The following LNX1 variants were observed in gnomAD, a reference collection of about 807,000 sequenced individuals.
LNX1 encodes E3 ubiquitin-protein ligase LNX.
Under a neutral mutation model 68.4 loss-of-function variants are expected in LNX1, and 54 were observed. The observed-to-expected ratio is 0.79, with a 90% confidence interval of 0.63 to 0.99. The LOEUF (loss-of-function observed/expected upper bound fraction) is 0.99. LNX1 is among the 50% of genes least tolerant of loss of function. The pLI is 0.00. For missense variants in LNX1, 906 were observed against 926.4 expected (o/e 0.98, Z 0.29); for synonymous variants, 336 against 350.0 (o/e 0.96, Z 0.45).
At chr4:53,541,083 G>A (rs1402079080) in intron 2 of LNX1, among the ~76,000 whole-genome samples, 2 of 149,730 alleles carry the variant, frequency 1.3e-5, no homozygotes, top group African/African-American at 4.9e-5. Flanking sequence ...CTTGCAGTGA[G>A]CCGAGACCAC....
chr4:53,627,487 G>A (rs1489272830), intron 1 of LNX1, among the ~76,000 whole-genome samples: 2 of 152,172 alleles, frequency 1.3e-5, no homozygotes, highest in East Asian at 3.9e-4. Context: ...TACTAATGGT[G>A]AGCTCTTATG....
intron 2 of LNX1, among the ~76,000 whole-genome samples, chr4:53,556,968 T>C (rs1729955363): frequency 6.6e-6 from 1 of 152,236 alleles, no homozygotes; most frequent in South Asian, 2.1e-4. Context: ...TTGCTATTTT[T>C]CCCGTCTGGT....
chr4:53,508,788 G>A (rs559088453), intron 2 of LNX1, among the ~76,000 whole-genome samples: 1 of 152,270 alleles, frequency 6.6e-6, no homozygotes, highest in African/African-American at 2.4e-5. Context: ...TCTTTCTCTG[G>A]GCTGGTCTGG....
chr4:53,632,827 G>A (rs1734327388), intron 1 of LNX1, among the ~76,000 whole-genome samples: 1 of 152,194 alleles, frequency 6.6e-6, no homozygotes, highest in South Asian at 2.1e-4. Context: ...CCTATCAAAT[G>A]TAAAGTGGAA....
At chr4:53,567,259 A>G (rs1730764405) in intron 2 of LNX1, among the ~76,000 whole-genome samples, 1 of 147,164 alleles carries the variant, frequency 6.8e-6, no homozygotes, top group African/African-American at 2.5e-5. Flanking sequence ...AGCTCTCCTC[A>G]GCAAATGTAA....
intron 2 of LNX1, among the ~76,000 whole-genome samples, chr4:53,564,637 G>T (rs1208632613): frequency 6.6e-6 from 1 of 152,168 alleles, no homozygotes; most frequent in African/African-American, 2.4e-5. Flanking sequence ...CTTTTGGGGA[G>T]GAGCCAAGAT....
In LNX1 at chr4:53,496,306, A is replaced by C; in HGVS notation, c.1067T>G (p.Met356Arg). Residue 356 changes from methionine to arginine, a missense_variant, in exon 6 of 11, where the codon ATG becomes AGG. Met to Arg is a moderately conservative substitution (Grantham distance 91). Coordinates refer to ENST00000263925, the MANE Select transcript of LNX1 (RefSeq NM_001126328.3). ...QPCQVLWLTV[M>R]REQKFRSRNN... ...CCTGCTGCGGAACTTCTGTTCACGC[A>C]TCACAGTCAGCCACAGCACCTGGCA... 6.2e-7 allele frequency: 1 copy of C among 1,614,220 alleles called. No homozygotes were observed. The highest frequency in any genetic ancestry group is 8.5e-7 in the Non-Finnish European group (1 of 1,180,036).
intron 2 of LNX1, among the ~76,000 whole-genome samples, chr4:53,566,434 A>G (rs1730696444): frequency 6.6e-6 from 1 of 152,074 alleles, no homozygotes; most frequent in South Asian, 2.1e-4. Context: ...AATACTTTAC[A>G]GACAAGCAAA....
At chr4:53,605,650 A>T (rs73250975) in intron 2 of LNX1, among the ~76,000 whole-genome samples, 27,957 of 151,968 alleles carry the variant, frequency 0.18, 2,787 homozygotes, top group South Asian at 0.39. Context: ...TGTTTTTTTT[A>T]AAATTCCATA....
intron 2 of LNX1, among the ~76,000 whole-genome samples, chr4:53,572,625 ATAAT>A (rs1731238857): frequency 6.6e-6 from 1 of 152,216 alleles, no homozygotes; most frequent in Admixed American, 6.5e-5. Flanking sequence ...CTCTTACAAA[ATAAT>A]TGTGGTATGA....
intron 1 of LNX1, among the ~76,000 whole-genome samples, chr4:53,646,391 T>G (rs972285837): frequency 2.0e-5 from 3 of 152,230 alleles, no homozygotes; most frequent in Admixed American, 2.0e-4. Context: ...CCTCTAACTC[T>G]GCTTTATTCA....
At chr4:53,537,738 C>T (rs1728474299) in intron 2 of LNX1, among the ~76,000 whole-genome samples, 1 of 152,178 alleles carries the variant, frequency 6.6e-6, no homozygotes, top group Non-Finnish European at 1.5e-5. Context: ...CCCCGAGTTC[C>T]ACAGGAGCCT....
intron 4 of LNX1, among the ~76,000 whole-genome samples, chr4:53,501,311 G>GGGGGGCT (rs1553932778): frequency 1.8e-5 from 1 of 55,696 alleles, no homozygotes; most frequent in Non-Finnish European, 3.6e-5. Flanking sequence ...GGGGTGGGGG[G>GGGGGGCT]ACAGGATCTC....
At chr4:53,523,854 C>A (rs933773369) in intron 2 of LNX1, among the ~76,000 whole-genome samples, 1 of 152,202 alleles carries the variant, frequency 6.6e-6, no homozygotes, top group African/African-American at 2.4e-5. Context: ...CACTGTCCCA[C>A]CATCCTCCTG....
intron 2 of LNX1, among the ~76,000 whole-genome samples, chr4:53,554,752 T>G (rs1729772998): frequency 6.6e-6 from 1 of 151,536 alleles, no homozygotes; most frequent in Non-Finnish European, 1.5e-5. Flanking sequence ...CTTGGGAGGC[T>G]GAGGCAGGAG....
At chr4:53,579,049 A>G (rs1289781108) in intron 1 of LNX1, among the ~76,000 whole-genome samples, 1 of 152,242 alleles carries the variant, frequency 6.6e-6, no homozygotes, top group Non-Finnish European at 1.5e-5. Flanking sequence ...ATCAAAAATC[A>G]TTAAGCCTGA....
intron 2 of LNX1, among the ~76,000 whole-genome samples, chr4:53,562,977 G>A (rs1225389869): frequency 2.0e-5 from 3 of 152,150 alleles, no homozygotes; most frequent in Admixed American, 2.0e-4. Context: ...TTGGGAGGCC[G>A]AGACGGATCA....
chr4:53,473,256 A>G (rs7690908), intron 9 of LNX1, among the ~76,000 whole-genome samples: 84,394 of 151,994 alleles, frequency 0.56, 25,276 homozygotes, highest in Non-Finnish European at 0.67. Flanking sequence ...AAAGTGGAAG[A>G]GAAAAATAAA....
At chr4:53,471,642 C>G (rs1404963013) in intron 9 of LNX1, among the ~76,000 whole-genome samples, 1 of 150,998 alleles carries the variant, frequency 6.6e-6, no homozygotes, top group African/African-American at 2.4e-5. Flanking sequence ...AACAAGTTTA[C>G]AAGAAAAAAA....
Sources: allele counts gnomAD v4.1 joint callset (sites outside exome capture counted in the v4.1 genomes callset), GRCh38; gene constraint gnomAD v4.1.1; transcripts MANE v1.5; gene names NCBI Gene and HGNC (gene_info 2026-07-23, HGNC 2026-07-21).